The following RAB38 variants were observed in gnomAD, a reference collection of about 807,000 sequenced individuals.
RAB38 encodes the protein RAB38, member RAS oncogene family.
In RAB38, 15 loss-of-function variants were observed where a neutral mutation model predicts 18.4. The ratio of observed to expected loss-of-function variants is 0.82; its 90% CI spans 0.55 to 1.26. The LOEUF (loss-of-function observed/expected upper bound fraction) is 1.26, where lower values mean the gene tolerates loss of function less well. Among genes scored for constraint, RAB38 ranks in the 50% most tolerant of loss-of-function variants. The pLI, the probability that RAB38 is intolerant of heterozygous loss-of-function variation, is 0.00. For synonymous variants in RAB38, 101 were observed against 104.4 expected, an observed-to-expected ratio of 0.97 and a Z score of 0.20; for missense variants, 294 against 267.4, an observed-to-expected ratio of 1.10 and a Z score of -0.69.
At chr11:87,967,736 C>T in the RAB38 span, among the ~76,000 whole-genome samples, 1 of 152,222 alleles carries the variant, frequency 6.6e-6, no homozygotes, top group Non-Finnish European at 1.5e-5. Context: ...ACTGATTTCA[C>T]TGGAAAGCTA....
chr11:88,004,864 A>C, the RAB38 span, among the ~76,000 whole-genome samples: 5,700 of 151,380 alleles, frequency 0.038, 208 homozygotes, highest in South Asian at 0.082. Context: ...TGGAAAAATA[A>C]ATTTTATAAA....
chr11:88,150,018 C>T, intron 1 of RAB38, 63 bp from the exon 2 acceptor site: 1 of 1,502,614 alleles, frequency 6.7e-7, no homozygotes, highest in Non-Finnish European at 9.0e-7. Context: ...CATATTATAA[C>T]TTCATGAAGC....
At chr11:88,076,669 T>C in the RAB38 span, among the ~76,000 whole-genome samples, 1 of 151,794 alleles carries the variant, frequency 6.6e-6, no homozygotes, top group Admixed American at 6.6e-5. Context: ...ATAAAGAATA[T>C]AGGCTGGGTG....
At chr11:87,929,338 A>T in the RAB38 span, among the ~76,000 whole-genome samples, 2 of 151,732 alleles carry the variant, frequency 1.3e-5, no homozygotes, top group East Asian at 3.9e-4. Context: ...TTTCATGTAC[A>T]TATGTTTATC....
At chr11:87,863,744 A>G in the RAB38 span, among the ~76,000 whole-genome samples, 1 of 151,844 alleles carries the variant, frequency 6.6e-6, no homozygotes, top group African/African-American at 2.4e-5. Flanking sequence ...CACTCGTAAT[A>G]AAGTGTATAG....
the RAB38 span, among the ~76,000 whole-genome samples, chr11:87,831,855 G>C: frequency 6.6e-6 from 1 of 152,186 alleles, no homozygotes; most frequent in African/African-American, 2.4e-5. Flanking sequence ...AGTAGAGAAT[G>C]CTTAGATTCA....
the RAB38 span, chr11:87,815,352 T>A: frequency 6.6e-6 from 1 of 152,266 alleles, no homozygotes; most frequent in South Asian, 2.1e-4. Flanking sequence ...AAAGTATCAC[T>A]CTGGCTTAAT....
At chr11:88,019,413 C>CCA in the RAB38 span, among the ~76,000 whole-genome samples, 2 of 152,238 alleles carry the variant, frequency 1.3e-5, no homozygotes, top group South Asian at 2.1e-4. Context: ...TCTGCTACCA[C>CCA]CACACTGCTC....
chr11:87,912,578 T>G, the RAB38 span, among the ~76,000 whole-genome samples: 203 of 151,894 alleles, frequency 1.3e-3, 1 homozygote, highest in African/African-American at 4.8e-3. Context: ...TATGTTGTTT[T>G]TTGCTTTCTC....
chr11:87,974,660 C>CA, the RAB38 span, among the ~76,000 whole-genome samples: 32 of 147,168 alleles, frequency 2.2e-4, no homozygotes, highest in Admixed American at 6.8e-4. Flanking sequence ...AATATAAATG[C>CA]AAAAAATCAT....
the RAB38 span, among the ~76,000 whole-genome samples, chr11:87,811,689 C>T: frequency 6.6e-6 from 1 of 151,868 alleles, no homozygotes; most frequent in African/African-American, 2.4e-5. Context: ...TGTCTTAAAC[C>T]TTTTATTGTG....
At chr11:88,110,376 G>A (rs1266008797), downstream of RAB38, among the ~76,000 whole-genome samples, 1 of 152,032 alleles carries the variant, frequency 6.6e-6, no homozygotes, top group East Asian at 1.9e-4. Flanking sequence ...CTGTCAGAGG[G>A]TGGGGGGCCA....
intron 2 of RAB38, among the ~76,000 whole-genome samples, chr11:88,141,333 TC>T (rs1470618258): frequency 6.6e-6 from 1 of 152,112 alleles, no homozygotes; most frequent in African/African-American, 2.4e-5. Context: ...GTGCTACTGA[TC>T]TTAAGTGGGT....
At chr11:88,021,872 A>G in the RAB38 span, among the ~76,000 whole-genome samples, 1 of 142,824 alleles carries the variant, frequency 7.0e-6, no homozygotes, top group Non-Finnish European at 1.5e-5. Context: ...AAAAAAAAGT[A>G]TTCTTTTTTT....
the RAB38 span, among the ~76,000 whole-genome samples, chr11:87,919,275 G>A: frequency 6.6e-6 from 1 of 151,808 alleles, no homozygotes; most frequent in African/African-American, 2.4e-5. Flanking sequence ...TTGTGTTGTG[G>A]AACAGTTCTA....
the RAB38 span, among the ~76,000 whole-genome samples, chr11:88,016,647 T>G: frequency 6.6e-6 from 1 of 152,058 alleles, no homozygotes; most frequent in Non-Finnish European, 1.5e-5. Flanking sequence ...CCTATCAATG[T>G]GCACTTTAGT....
intron 2 of RAB38, among the ~76,000 whole-genome samples, chr11:88,139,090 T>C (rs1243313250): frequency 6.6e-6 from 1 of 152,168 alleles, no homozygotes; most frequent in African/African-American, 2.4e-5. Flanking sequence ...GGCCTATTAT[T>C]CTTAATATTA....
chr11:87,878,689 T>C, the RAB38 span, among the ~76,000 whole-genome samples: 1 of 151,680 alleles, frequency 6.6e-6, no homozygotes, highest in Non-Finnish European at 1.5e-5. Flanking sequence ...TTATTTCATG[T>C]AATACCACAT....
chr11:87,878,739 C>A, the RAB38 span, among the ~76,000 whole-genome samples: 2 of 151,650 alleles, frequency 1.3e-5, no homozygotes, highest in South Asian at 4.1e-4. Flanking sequence ...CAGCTGTGTG[C>A]CACTTACATC....
Sources: gnomAD v4.1 joint callset for allele counts (sites outside exome capture counted in the v4.1 genomes callset) on GRCh38, gnomAD v4.1.1 for gene constraint, MANE v1.5 for transcripts, NCBI Gene and HGNC (gene_info 2026-07-23, HGNC 2026-07-21) for gene names.